RBPJ: variants seen among roughly 807,000 people sequenced by gnomAD.
RBPJ encodes the protein recombining binding protein suppressor of hairless.
In RBPJ, 9 loss-of-function variants were observed where a neutral mutation model predicts 67.8. That is an observed-to-expected ratio of 0.13 (90% CI 0.08 to 0.23). The LOEUF is 0.23. Among genes scored for constraint, RBPJ ranks in the 10% least tolerant of loss-of-function variants. The pLI is 1.00. For synonymous variants in RBPJ, 198 were observed against 203.3 expected (o/e 0.97, Z 0.22); for missense variants, 305 against 595.6 (o/e 0.51, Z 5.08).
chr4:26,360,160 TATA>T (rs1317469485), intron 1 of RBPJ, among the ~76,000 whole-genome samples: 1 of 152,212 alleles, frequency 6.6e-6, no homozygotes, highest in Non-Finnish European at 1.5e-5. Flanking sequence ...AAAATATTAA[TATA>T]ATCCACCAAA....
At chr4:26,117,018 A>G in the RBPJ span, among the ~76,000 whole-genome samples, 7 of 152,356 alleles carry the variant, frequency 4.6e-5, no homozygotes, top group African/African-American at 1.4e-4. Context: ...CTTTTCACAG[A>G]TTCAAAGCCA....
chr4:26,236,049 C>A (rs1479580972), intron 1 of RBPJ, among the ~76,000 whole-genome samples: 1 of 152,190 alleles, frequency 6.6e-6, no homozygotes, highest in Admixed American at 6.5e-5. Context: ...AAAATATGGA[C>A]AGGTTCCAAA....
intron 1 of RBPJ, among the ~76,000 whole-genome samples, chr4:26,235,892 C>T (rs1180419707): frequency 1.3e-5 from 2 of 152,196 alleles, no homozygotes; most frequent in Non-Finnish European, 2.9e-5. Flanking sequence ...AAAGTGAAGC[C>T]CAATGCTAAA....
At chr4:26,227,066 A>G (rs145509348) in intron 1 of RBPJ, among the ~76,000 whole-genome samples, 2 of 152,310 alleles carry the variant, frequency 1.3e-5, no homozygotes, top group Non-Finnish European at 2.9e-5. Flanking sequence ...GTCTCAAGGA[A>G]GTGGAGGAGA....
At chr4:26,210,700 T>TTTCTTTTTTTCTTTCCTTCTTTCC in intron 1 of RBPJ, among the ~76,000 whole-genome samples, 1 of 59,928 alleles carries the variant, frequency 1.7e-5, no homozygotes, top group Non-Finnish European at 3.5e-5. Context: ...TCTTTCTTTC[T>TTTCTTTTTTTCTTTCCTTCTTTCC]TTCTTTCCTT....
At chr4:26,428,027 G>T (rs978606473) in intron 7 of RBPJ, among the ~76,000 whole-genome samples, 17 of 152,274 alleles carry the variant, frequency 1.1e-4, no homozygotes, top group Middle Eastern at 3.4e-3. Context: ...AGTTGGACAG[G>T]CAGCCAGCCC....
chr4:26,192,034 A>G (rs1373592601), intron 1 of RBPJ, among the ~76,000 whole-genome samples: 2 of 147,080 alleles, frequency 1.4e-5, no homozygotes, highest in African/African-American at 2.5e-5. Context: ...TTTGAGGCAG[A>G]GTCTCACTCT....
chr4:26,106,188 C>T, the RBPJ span, among the ~76,000 whole-genome samples: 8 of 152,210 alleles, frequency 5.3e-5, no homozygotes, highest in Non-Finnish European at 1.2e-4. Flanking sequence ...CATCCCTTCC[C>T]GCCTTTTTGT....
intron 1 of RBPJ, among the ~76,000 whole-genome samples, chr4:26,381,707 G>A (rs1730348498): frequency 6.6e-6 from 1 of 152,064 alleles, no homozygotes; most frequent in African/African-American, 2.4e-5. Flanking sequence ...TCAGCCTGAG[G>A]GAAAAGTATA....
chr4:26,232,701 T>G (rs1403108157), intron 1 of RBPJ, among the ~76,000 whole-genome samples: 1 of 152,188 alleles, frequency 6.6e-6, no homozygotes, highest in Non-Finnish European at 1.5e-5. Context: ...GTGCTTTATC[T>G]CCATTATTAG....
intron 1 of RBPJ, among the ~76,000 whole-genome samples, chr4:26,232,309 G>A (rs1719317424): frequency 6.6e-6 from 1 of 152,138 alleles, no homozygotes. Flanking sequence ...AGGTAAACAC[G>A]TGCCATGGTG....
chr4:26,300,544 A>T (rs1332745179), intron 1 of RBPJ, among the ~76,000 whole-genome samples: 1 of 152,244 alleles, frequency 6.6e-6, no homozygotes, highest in Non-Finnish European at 1.5e-5. Context: ...ACTAAGCAAA[A>T]GGAATTTACT....
rs1456198163 is a variant in RBPJ at position 26,292,239 on chromosome 4, C to T, written c.-166-70207C>T. The stretch of plus-strand genomic sequence containing the variant: ...TTTCCATTTTCCCTACTCCTCAGCC[C>T]CTGGCAACCTCTATTCTATTCTCTG... On this transcript the variant is annotated intron_variant, in intron 1 of 4. Coordinates refer to the RBPJ transcript ENST00000512351. 3.4e-5 allele frequency among the ~76,000 whole-genome samples: 5 copies of T among 149,024 alleles called. No homozygotes were observed. The East Asian group carries it at 5.9e-4, about 18-fold the overall frequency.
intron 3 of RBPJ, among the ~76,000 whole-genome samples, chr4:26,408,000 G>C (rs1183584705): frequency 2.1e-5 from 3 of 143,994 alleles, no homozygotes; most frequent in Admixed American, 7.2e-5. Context: ...TCAGCCACCT[G>C]AGTAGCTGGG....
chr4:26,426,112 G>C (rs1735645210), intron 7 of RBPJ, among the ~76,000 whole-genome samples: 1 of 152,162 alleles, frequency 6.6e-6, no homozygotes, highest in East Asian at 1.9e-4. Flanking sequence ...AGGGAATGAA[G>C]GGCATGAAAA....
At chr4:26,406,607 C>G (rs1054327972) in intron 3 of RBPJ, among the ~76,000 whole-genome samples, 2 of 152,226 alleles carry the variant, frequency 1.3e-5, no homozygotes, top group African/African-American at 4.8e-5. Flanking sequence ...TTGTCCCTTA[C>G]GCATTTGGGT....
At chr4:26,127,794 C>G in the RBPJ span, among the ~76,000 whole-genome samples, 1 of 152,196 alleles carries the variant, frequency 6.6e-6, no homozygotes, top group South Asian at 2.1e-4. Context: ...TACACAGAGA[C>G]ATGAGATAAA....
intron 2 of RBPJ, among the ~76,000 whole-genome samples, chr4:26,392,610 T>C (rs976466210): frequency 2.9e-4 from 44 of 152,270 alleles, no homozygotes; most frequent in African/African-American, 1.0e-3. Context: ...TTATAAAAAA[T>C]GCAAACTGAT....
At chr4:26,166,578 T>G (rs1270363214) in intron 1 of RBPJ, among the ~76,000 whole-genome samples, 1 of 151,894 alleles carries the variant, frequency 6.6e-6, no homozygotes, top group Non-Finnish European at 1.5e-5. Context: ...TGTTTTTTTC[T>G]TGTAAATTTG....
Sources: gnomAD v4.1 joint callset for allele counts (sites outside exome capture counted in the v4.1 genomes callset) on GRCh38, gnomAD v4.1.1 for gene constraint, MANE v1.5 for transcripts, NCBI Gene and HGNC (gene_info 2026-07-23, HGNC 2026-07-21) for gene names.